Variants in ZNF804A observed in about 807,000 individuals in gnomAD.
ZNF804A encodes the protein zinc finger protein 804A.
In ZNF804A, 2 loss-of-function variants were observed where a neutral mutation model predicts 16.5. The observed-to-expected ratio is 0.12, with a 90% CI of 0.05 to 0.38. The LOEUF is 0.38. ZNF804A is among the 10% of genes least tolerant of loss of function. The pLI, the probability that ZNF804A is intolerant of heterozygous loss-of-function variation, is 0.99. For synonymous variants in ZNF804A, 534 were observed against 489.6 expected (o/e 1.09, Z -1.20); for missense variants, 1,473 against 1,390.7 (o/e 1.06, Z -0.94).
intron 1 of ZNF804A, among the ~76,000 whole-genome samples, chr2:184,705,620 T>C (rs1336791776): frequency 6.6e-6 from 1 of 152,192 alleles, no homozygotes; most frequent in Non-Finnish European, 1.5e-5. Context: ...TTTTTTTTCT[T>C]TCCCTGAAGT....
chr2:184,938,693 T>A lies in ZNF804A; in HGVS notation c.3297T>A (p.His1099Gln). Residue 1099 changes from histidine to glutamine, a missense_variant, in exon 4 of 4, where the codon CAT becomes CAA. Coordinates refer to ENST00000302277, the MANE Select transcript of ZNF804A (RefSeq NM_194250.2). ...GTTCTACCTCTGTAACCACTATCCA[T>A]CACACTGTTTTGCAGCAGCACGCTG... is the stretch of plus-strand genomic sequence containing the variant. ...SLCSTSVTTI[H>Q]HTVLQQHAAA... The A allele has an allele frequency of 6.2e-7, 1 of 1,613,654 alleles. No individual in the cohort carries two copies.
At chr2:184,701,349 G>A (rs1692916661) in intron 1 of ZNF804A, among the ~76,000 whole-genome samples, 1 of 151,806 alleles carries the variant, frequency 6.6e-6, no homozygotes, top group Non-Finnish European at 1.5e-5. Context: ...AATAGAAAAA[G>A]GCAATTTTTG....
chr2:184,672,509 T>C (rs1692352882), intron 1 of ZNF804A, among the ~76,000 whole-genome samples: 1 of 152,224 alleles, frequency 6.6e-6, no homozygotes, highest in Admixed American at 6.5e-5. Context: ...ATCACTGACC[T>C]TTTATTTGAA....
intron 1 of ZNF804A, among the ~76,000 whole-genome samples, chr2:184,680,976 TA>T (rs1475382294): frequency 6.6e-6 from 1 of 152,198 alleles, no homozygotes; most frequent in Non-Finnish European, 1.5e-5. Flanking sequence ...TGCAGCCTCA[TA>T]GGGAGCCTGC....
intron 1 of ZNF804A, among the ~76,000 whole-genome samples, chr2:184,804,072 G>T (rs1694765129): frequency 1.3e-5 from 2 of 152,022 alleles, no homozygotes; most frequent in Admixed American, 1.3e-4. Context: ...CACCATGTTG[G>T]TCAGGCTGGT....
intron 2 of ZNF804A, among the ~76,000 whole-genome samples, chr2:184,867,174 T>G (rs17509601): frequency 0.05 from 7,661 of 152,166 alleles, 254 homozygotes; most frequent in Middle Eastern, 0.078. Context: ...ATAGTAGTGT[T>G]ATAAATGTAA....
chr2:184,933,705 C>G lies in ZNF804A; in HGVS notation c.358C>G (p.Leu120Val). The change falls in exon 3 of 4, where the codon CTG becomes GTG. Residue 120 changes from leucine (L) to valine (V), a missense_variant. Physicochemically the swap from Leu to Val is conservative, Grantham distance 32 (BLOSUM62 1). Coordinates refer to ENST00000302277, the MANE Select transcript of ZNF804A (RefSeq NM_194250.2). ...AAAGGCACTCCAACGCCTGCACAAG[C>G]TGGCTGAGCTAAGAAAGGAAACTGT... The part of the protein sequence containing the change: ...QEKALQRLHK[L>V]AELRKETVCA... The G allele has an allele frequency of 6.2e-7, 1 of 1,604,906 alleles. No homozygotes were observed. The highest frequency in any genetic ancestry group is 8.5e-7 in the Non-Finnish European group (1 of 1,177,396).
At chr2:184,825,415 G>A (rs563642225) in intron 1 of ZNF804A, among the ~76,000 whole-genome samples, 1 of 152,108 alleles carries the variant, frequency 6.6e-6, no homozygotes, top group African/African-American at 2.4e-5. Context: ...CAACCAAAGT[G>A]TCACATGTTT....
At chr2:184,637,508 A>G (rs967355732) in intron 1 of ZNF804A, among the ~76,000 whole-genome samples, 1 of 152,190 alleles carries the variant, frequency 6.6e-6, no homozygotes, top group Non-Finnish European at 1.5e-5. Context: ...AAATATAAAA[A>G]GTATAACATT....
chr2:184,817,989 A>T (rs1443451468), intron 1 of ZNF804A, among the ~76,000 whole-genome samples: 1 of 152,036 alleles, frequency 6.6e-6, no homozygotes, highest in Non-Finnish European at 1.5e-5. Flanking sequence ...ATACTTCAGG[A>T]TATCATCTAG....
intron 1 of ZNF804A, among the ~76,000 whole-genome samples, chr2:184,738,656 G>A (rs2105751667): frequency 6.6e-6 from 1 of 152,150 alleles, no homozygotes; most frequent in African/African-American, 2.4e-5. Context: ...CCCCACCTTT[G>A]GCAAGTATCC....
intron 1 of ZNF804A, among the ~76,000 whole-genome samples, chr2:184,702,172 T>C: frequency 6.6e-6 from 1 of 152,060 alleles, no homozygotes; most frequent in East Asian, 1.9e-4. Context: ...AGTCTGTGTG[T>C]ACTAATATAT....
intron 1 of ZNF804A, among the ~76,000 whole-genome samples, chr2:184,692,432 A>C (rs944327138): frequency 4.6e-5 from 7 of 152,202 alleles, no homozygotes; most frequent in Admixed American, 3.3e-4. Context: ...CACTGTGAGC[A>C]CAAAGACAAG....
chr2:184,692,351 T>C (rs1016804436), intron 1 of ZNF804A, among the ~76,000 whole-genome samples: 2 of 152,228 alleles, frequency 1.3e-5, no homozygotes, highest in African/African-American at 4.8e-5. Flanking sequence ...CAGTCTTTCA[T>C]AAGATCCCAG....
intron 2 of ZNF804A, among the ~76,000 whole-genome samples, chr2:184,867,577 A>C (rs1168870782): frequency 6.6e-6 from 1 of 151,986 alleles, no homozygotes; most frequent in Non-Finnish European, 1.5e-5. Context: ...TTCACCGATT[A>C]ATGCATACTT....
chr2:184,781,539 T>C (rs1175564896), intron 1 of ZNF804A, among the ~76,000 whole-genome samples: 1 of 151,758 alleles, frequency 6.6e-6, no homozygotes, highest in Non-Finnish European at 1.5e-5. Flanking sequence ...TGAAAAAACT[T>C]TGAAATATTC....
intron 1 of ZNF804A, among the ~76,000 whole-genome samples, chr2:184,640,627 G>A (rs926966914): frequency 6.6e-6 from 1 of 152,070 alleles, no homozygotes; most frequent in Non-Finnish European, 1.5e-5. Flanking sequence ...TAATAAGGAT[G>A]ATATATAATA....
chr2:184,729,717 A>T (rs899840122), intron 1 of ZNF804A, among the ~76,000 whole-genome samples: 10 of 152,034 alleles, frequency 6.6e-5, no homozygotes, highest in African/African-American at 2.4e-4. Context: ...TTTTTCCTCA[A>T]CTCTATGTAT....
intron 1 of ZNF804A, among the ~76,000 whole-genome samples, chr2:184,724,089 C>T (rs1227684217): frequency 6.6e-6 from 1 of 150,516 alleles, no homozygotes; most frequent in African/African-American, 2.5e-5. Flanking sequence ...ATTTCTCTTC[C>T]TCATCAAAAT....
Sources: gnomAD v4.1 joint callset for allele counts (sites outside exome capture counted in the v4.1 genomes callset) on GRCh38, gnomAD v4.1.1 for gene constraint, MANE v1.5 for transcripts, NCBI Gene and HGNC (gene_info 2026-07-23, HGNC 2026-07-21) for gene names.